Variants in HDAC6 observed in about 807,000 individuals in gnomAD.
HDAC6 encodes histone deacetylase 6.
HDAC6 carries 5 observed loss-of-function variants against 88.9 expected under a neutral mutation model. The observed-to-expected ratio is 0.06, with a 90% CI of 0.03 to 0.12. HDAC6 has a LOEUF of 0.12. HDAC6 is among the 10% of genes least tolerant of loss of function. The pLI, the probability that HDAC6 is intolerant of heterozygous loss-of-function variation, is 1.00. For missense variants in HDAC6, 706 were observed against 1,014.4 expected, an observed-to-expected ratio of 0.70 and a Z score of 4.13; for synonymous variants, 378 against 398.0, an observed-to-expected ratio of 0.95 and a Z score of 0.60.
rs1557028401 is a variant in HDAC6 at position 48,818,270 on chromosome X, T to C, written c.2045T>C (p.Met682Thr). 2 of 1,197,838 alleles carry C rather than the reference T, an allele frequency of 1.7e-6. No homozygotes were observed. The highest frequency in any genetic ancestry group is 2.3e-4 in the Middle Eastern group (1 of 4,336). Residue 682 changes from methionine to threonine, a missense_variant, in exon 22 of 29, where the codon ATG becomes ACG. This residue lies in a region of HDAC6 where 138 missense variants were observed against 303.5 expected (regional missense o/e 0.45). Coordinates refer to ENST00000334136, the MANE Select transcript of HDAC6 (RefSeq NM_006044.4). Reference protein sequence around the residue: ...HRYDHGTFFPMGDEGASSQIG... With the variant: ...HRYDHGTFFPTGDEGASSQIG... ...TATGATCATGGCACCTTCTTCCCCATGGGGGATGAGGGTGCCAGCAGCCAG... is the reference window on the plus strand; with the variant it reads ...TATGATCATGGCACCTTCTTCCCCACGGGGGATGAGGGTGCCAGCAGCCAG...
chrX:48,815,193 C>A, intron 14 of HDAC6, 142 bp downstream of exon 14: 1 of 576,903 alleles, frequency 1.7e-6, no homozygotes, highest in Non-Finnish European at 2.9e-6. Flanking sequence ...TTCTTTGTGC[C>A]TCCGCTTTCC....
At chrX:48,806,063 C>CT (rs1485810984) in intron 6 of HDAC6, 2 of 353,298 alleles carry the variant, frequency 5.7e-6, no homozygotes, top group Non-Finnish European at 9.9e-6. Flanking sequence ...CTGAGCTGAA[C>CT]TTTAAGAGGA....
At chrX:48,807,764 G>A (rs1401412650) in intron 8 of HDAC6, among the ~76,000 whole-genome samples, 3 of 111,976 alleles carry the variant, frequency 2.7e-5, no homozygotes, top group Non-Finnish European at 3.8e-5. Flanking sequence ...CACCCACCTC[G>A]GCCTCCCAAA....
intron 1 of HDAC6, chrX:48,802,386 A>C: frequency 1.1e-6 from 1 of 900,121 alleles, no homozygotes; most frequent in Non-Finnish European, 1.4e-6. Flanking sequence ...GGACTGTGTG[A>C]GCCCGGGGGC....
intron 10 of HDAC6, chrX:48,814,131 GGC>G (rs1200892177): frequency 7.1e-6 from 2 of 282,580 alleles, no homozygotes; most frequent in African/African-American, 5.6e-5. Context: ...GCACTGAGGG[GGC>G]AGCGATGTTT....
rs1557024483 is a variant in HDAC6 at position 48,806,680 on chromosome X, G to A, written c.606G>A (p.Glu202=). The change falls in exon 8 of 29, where the codon GAG becomes GAA. Residue 202 remains glutamate, a synonymous_variant. Transcript: ENST00000334136. ...LRLVDAVLGA[E]IRNGMAIIRP... is the part of the protein sequence containing the mutation. The stretch of plus-strand genomic sequence containing the variant: ...TGGTGGATGCGGTCCTGGGGGCTGA[G>A]ATCCGGAATGGCATGGCCATCATTA... The A allele has an allele frequency of 8.3e-7, 1 of 1,203,705 alleles. No individual in the cohort carries two copies.
intron 10 of HDAC6, among the ~76,000 whole-genome samples, chrX:48,809,264 G>T (rs2147344085): frequency 9.0e-6 from 1 of 111,698 alleles, no homozygotes; most frequent in South Asian, 3.7e-4. Context: ...TCCAGGAGGG[G>T]ACCAGCTTAC....
At chrX:48,806,277 C>G in intron 6 of HDAC6, 91 bp from the exon 7 acceptor site, 1 of 564,676 alleles carries the variant, frequency 1.8e-6, no homozygotes, top group South Asian at 2.6e-5. Context: ...GTTGGGGGAG[C>G]CAAGCCCTAA....
At chrX:48,801,708 T>C (rs781909716), upstream of HDAC6, 358 of 400,904 alleles carry the variant, frequency 8.9e-4, no homozygotes, top group Non-Finnish European at 1.3e-3. Flanking sequence ...CCAGCTGGCG[T>C]AGCACGCCGA....
In HDAC6 at chrX:48,823,000, G is replaced by C; in HGVS notation, c.2601G>C (p.Met867Ile). ...CCAAACCTAGGTTAGCTGAGCGGATGACCACACGAGAAAAGAAGGTTCTGG... is the reference window on the plus strand; with the variant it reads ...CCAAACCTAGGTTAGCTGAGCGGATCACCACACGAGAAAAGAAGGTTCTGG... ...QPAKPRLAERMTTREKKVLEA... is the reference protein window; with the variant it reads ...QPAKPRLAERITTREKKVLEA... The change falls in exon 25 of 29, where the codon ATG becomes ATC. Residue 867 changes from methionine to isoleucine, a missense_variant. Physicochemically the swap from Met to Ile is conservative, Grantham distance 10. Transcript: ENST00000334136. 1.7e-6 allele frequency: 2 copies of C among 1,211,036 alleles called. No homozygotes were observed. Among genetic ancestry groups the C allele is most frequent in the Non-Finnish European group, 2.2e-6 (2 of 895,142 alleles).
In HDAC6 at chrX:48,822,848, G is replaced by A. The variant is rs1557030465; in HGVS notation, c.2512+54G>A. ...ACCCAGGGAAGGAGGGGGCTGAGGG[G>A]CAGAGATCAGAGGCAGGAAGGGTGA... On this transcript the variant is annotated intron_variant, in intron 24 of 28. Transcript: ENST00000334136. 3.4e-6 allele frequency: 4 copies of A among 1,159,532 alleles called. No homozygotes were observed. In the African/African-American group the frequency reaches 7.2e-5, roughly 21 times the overall value.
chrX:48,804,201 C>T (rs1226293403), intron 4 of HDAC6, among the ~76,000 whole-genome samples: 1 of 111,700 alleles, frequency 9.0e-6, no homozygotes, highest in African/African-American at 3.3e-5. Flanking sequence ...ACTTTAAGGG[C>T]AAACTGTTGC....
intron 10 of HDAC6, chrX:48,811,191 CTA>C (rs2062896143): frequency 1.8e-5 from 2 of 111,495 alleles, no homozygotes; most frequent in Admixed American, 1.9e-4. Context: ...GTAATCCCAG[CTA>C]CTCAGGAGGC....
rs1486266870 is a variant in HDAC6, at chrX:48,805,499, C to T, written c.373C>T (p.Leu125=). Residue 125 remains leucine (L), a synonymous_variant, in exon 5 of 29, where the codon CTA becomes TTA. Coordinates refer to ENST00000334136, the MANE Select transcript of HDAC6 (RefSeq NM_006044.4). ...GGAGCAACTGATCCAGGAGGGCCTCCTAGATCGCTGCGTGTCCTTTCAGGT... is the reference window on the plus strand; with the variant it reads ...GGAGCAACTGATCCAGGAGGGCCTCTTAGATCGCTGCGTGTCCTTTCAGGT... ...IKEQLIQEGL[L]DRCVSFQARF... is the part of the protein sequence containing the mutation. The T allele has an allele frequency of 8.3e-7, 1 of 1,207,880 alleles. No individual in the cohort carries two copies. Among genetic ancestry groups the T allele is most frequent in the Admixed American group, 2.2e-5 (1 of 45,685 alleles).
intron 10 of HDAC6, among the ~76,000 whole-genome samples, chrX:48,811,476 G>A (rs2062900775): frequency 8.9e-6 from 1 of 112,027 alleles, no homozygotes; most frequent in Admixed American, 9.5e-5. Context: ...CATTGTAGGG[G>A]GCTGTCAGAG....
rs1557028039 is a variant in HDAC6 at position 48,817,376 on chromosome X, G to T, written c.1842G>T (p.Gln614His). Residue 614 changes from glutamine to histidine, a missense_variant, in exon 20 of 29, where the codon CAG (glutamine) becomes CAT (histidine). By Grantham distance (24) the Gln-to-His change is conservative (BLOSUM62 0). Around this residue, in one of 9 missense-constraint regions of HDAC6, gnomAD observed 138 missense variants for 303.5 expected, o/e 0.45. Transcript: ENST00000334136. ...VVRPPGHHAE[Q>H]DAACGFCFFN... ...GTCCCCCAGGACACCACGCAGAGCA[G>T]GATGCAGCTTGCGGTTTTTGCTTTT... 8.3e-7 allele frequency: 1 copy of T among 1,211,300 alleles called. No homozygotes were observed.
chrX:48,819,167 C>T (rs782284557), intron 22 of HDAC6, among the ~76,000 whole-genome samples: 3 of 112,082 alleles, frequency 2.7e-5, no homozygotes, highest in South Asian at 3.7e-4. Context: ...GAGTGCATGT[C>T]GCCATTGTGG....
At chrX:48,817,091 A>G in intron 19 of HDAC6, 2 of 302,994 alleles carry the variant, frequency 6.6e-6, no homozygotes, top group Non-Finnish European at 5.7e-6. Flanking sequence ...CTACTAAGAA[A>G]CATACAAAAA....
At chrX:48,816,328 G>A (rs1256831811) in intron 18 of HDAC6, 59 bp downstream of exon 18, 3 of 1,160,867 alleles carry the variant, frequency 2.6e-6, no homozygotes, top group Non-Finnish European at 3.5e-6. Context: ...GGTCTCAGGG[G>A]CTGGAACTTG....
Sources: allele counts gnomAD v4.1 joint callset (sites outside exome capture counted in the v4.1 genomes callset), GRCh38; gene constraint gnomAD v4.1.1; regional missense constraint gnomAD v4.1.1; transcripts MANE v1.5; gene names NCBI Gene and HGNC (gene_info 2026-07-23, HGNC 2026-07-21).